FMN2: variants seen among roughly 807,000 people sequenced by gnomAD.
FMN2 encodes the protein formin 2.
In FMN2, 51 loss-of-function variants were observed where a neutral mutation model predicts 142.3. The ratio of observed to expected loss-of-function variants is 0.36; its 90% CI spans 0.29 to 0.45. FMN2 has a LOEUF of 0.45. Among genes scored for constraint, FMN2 ranks in the 20% least tolerant of loss-of-function variants. FMN2 has a pLI of 1.00. For synonymous variants in FMN2, 882 were observed against 869.8 expected (o/e 1.01, Z -0.25); for missense variants, 1,936 against 2,122.8 (o/e 0.91, Z 1.73).
intron 4 of FMN2, among the ~76,000 whole-genome samples, chr1:240,206,015 G>A (rs11581627): frequency 0.06 from 9,081 of 150,554 alleles, 313 homozygotes; most frequent in East Asian, 0.095. Flanking sequence ...CTGTCCTTCC[G>A]CCTCAGCCTC....
At chr1:240,336,615 A>T (rs955028695) in intron 13 of FMN2, among the ~76,000 whole-genome samples, 2 of 149,516 alleles carry the variant, frequency 1.3e-5, no homozygotes, top group African/African-American at 4.9e-5. Context: ...TTTATTACAG[A>T]GAACTTTTTT....
intron 7 of FMN2, among the ~76,000 whole-genome samples, chr1:240,264,343 C>T (rs1558400821): frequency 6.6e-6 from 1 of 152,120 alleles, no homozygotes; most frequent in Non-Finnish European, 1.5e-5. Context: ...CCGGTATTGG[C>T]ATACAGGATA....
chr1:240,116,240 G>T (rs370132202), intron 1 of FMN2, among the ~76,000 whole-genome samples: 1 of 152,184 alleles, frequency 6.6e-6, no homozygotes, highest in Non-Finnish European at 1.5e-5. Flanking sequence ...GAGGCTTCAC[G>T]TAGCTGCCCC....
intron 14 of FMN2, among the ~76,000 whole-genome samples, chr1:240,364,850 A>G (rs1672609192): frequency 6.6e-6 from 1 of 152,170 alleles, no homozygotes; most frequent in Non-Finnish European, 1.5e-5. Context: ...AATGACTGTC[A>G]ATTCAACACA....
Position 240,093,227 on chromosome 1 carries a change from A to C in FMN2, c.1118A>C (p.Asp373Ala). Residue 373 changes from aspartate (D) to alanine (A), a missense_variant, in exon 1 of 18, where the codon GAC (aspartate) becomes GCC (alanine). Physicochemically the swap from Asp to Ala is moderately radical, Grantham distance 126. Transcript: ENST00000319653. The stretch of plus-strand genomic sequence containing the variant: ...GAGTGGGCCCCGGAGGTGGGAGAGG[A>C]CGCCCCGCAGAGGCTGGGGGAAGAG... ...GEEWAPEVGE[D>A]APQRLGEEPE... The C allele has an allele frequency of 6.5e-7, 1 of 1,530,870 alleles. No individual in the cohort carries two copies. Among genetic ancestry groups the C allele is most frequent in the Non-Finnish European group, 8.8e-7 (1 of 1,140,716 alleles). The allele number at this position is 1,530,870 out of a possible 1,614,324, so 94.8% of individuals were successfully genotyped here. A position where few individuals can be genotyped will look rare whatever the true frequency, so the allele number is the denominator to read the frequency against.
intron 16 of FMN2, among the ~76,000 whole-genome samples, chr1:240,456,687 C>T (rs148313923): frequency 6.6e-6 from 1 of 152,240 alleles, no homozygotes; most frequent in Middle Eastern, 3.4e-3. Context: ...AACTCCCGAC[C>T]TCAGGTGATT....
Position 240,208,730 on chromosome 1 carries a change from A to C in FMN2, c.3918A>C (p.Lys1306Asn), listed in dbSNP as rs1199324035. Reference sequence around the variant, plus strand: ...GGACCAGGATTCAACTACATAGTAAAAGGTAACATGAAAGTGAGCTCGTCT... The same window carrying C: ...GGACCAGGATTCAACTACATAGTAACAGGTAACATGAAAGTGAGCTCGTCT... ...LYWTRIQLHS[K>N]RDSSTSLIWE... Residue 1306 changes from lysine to asparagine, a missense_variant and splice_region_variant, in exon 5 of 18, where the codon AAA (lysine) becomes AAC (asparagine). Physicochemically the swap from Lys to Asn is moderately conservative, Grantham distance 94. Transcript: ENST00000319653. 6.2e-7 allele frequency: 1 copy of C among 1,604,426 alleles called. No individual in the cohort carries two copies. The highest frequency in any genetic ancestry group is 8.5e-7 in the Non-Finnish European group (1 of 1,172,468).
At chr1:240,255,263 T>A (rs1668412652) in intron 6 of FMN2, among the ~76,000 whole-genome samples, 1 of 152,298 alleles carries the variant, frequency 6.6e-6, no homozygotes, top group Admixed American at 6.5e-5. Context: ...TCTTATGTGA[T>A]CTGTTTGACC....
At chr1:240,128,318 TA>T (rs1164871178) in intron 2 of FMN2, among the ~76,000 whole-genome samples, 2 of 152,234 alleles carry the variant, frequency 1.3e-5, no homozygotes, top group Non-Finnish European at 2.9e-5. Context: ...TTATCTTACA[TA>T]ATTGTTGATT....
chr1:240,247,424 C>T (rs1369119757), intron 6 of FMN2, among the ~76,000 whole-genome samples: 1 of 151,746 alleles, frequency 6.6e-6, no homozygotes, highest in African/African-American at 2.4e-5. Context: ...ATCGCTTGAA[C>T]CTGGGAGGCG....
intron 16 of FMN2, among the ~76,000 whole-genome samples, chr1:240,468,863 G>C (rs553754740): frequency 1.3e-5 from 2 of 152,234 alleles, no homozygotes; most frequent in African/African-American, 4.8e-5. Flanking sequence ...GGCTGTCTTC[G>C]TACCGACTTC....
At chr1:240,119,482 C>T (rs1662152704) in intron 1 of FMN2, among the ~76,000 whole-genome samples, 1 of 152,108 alleles carries the variant, frequency 6.6e-6, no homozygotes, top group Admixed American at 6.5e-5. Context: ...TGCCCCCTGC[C>T]CCAGGAGACA....
intron 15 of FMN2, among the ~76,000 whole-genome samples, chr1:240,435,295 A>G (rs1275948603): frequency 2.0e-5 from 3 of 152,078 alleles, no homozygotes; most frequent in East Asian, 3.9e-4. Context: ...GCCTAAATCT[A>G]TGTGCTTTAT....
chr1:240,143,396 C>T (rs375812105), intron 2 of FMN2: 2 of 1,430,144 alleles, frequency 1.4e-6, no homozygotes, highest in South Asian at 1.2e-5. Context: ...CCAATCTCCC[C>T]CACAGCAATA....
At chr1:240,431,138 T>G (rs898396013) in intron 15 of FMN2, among the ~76,000 whole-genome samples, 2 of 151,922 alleles carry the variant, frequency 1.3e-5, no homozygotes, top group African/African-American at 4.8e-5. Flanking sequence ...ATGTTTGTAG[T>G]TTTCACACTT....
intron 1 of FMN2, among the ~76,000 whole-genome samples, chr1:240,114,968 C>T (rs2103202388): frequency 6.6e-6 from 1 of 152,142 alleles, no homozygotes; most frequent in South Asian, 2.1e-4. Context: ...TTCTATCATT[C>T]CTTTTGCACA....
chr1:240,265,516 A>T (rs1160397150), intron 7 of FMN2, among the ~76,000 whole-genome samples: 1 of 152,142 alleles, frequency 6.6e-6, no homozygotes, highest in Non-Finnish European at 1.5e-5. Flanking sequence ...ACAAATGCTT[A>T]TTATTGTAAG....
chr1:240,168,076 T>C (rs956718977), intron 2 of FMN2, among the ~76,000 whole-genome samples: 2 of 152,162 alleles, frequency 1.3e-5, no homozygotes, highest in Non-Finnish European at 2.9e-5. Context: ...TTAGAAAATA[T>C]ACACAGTGGA....
chr1:240,446,087 A>G (rs1317703742), intron 16 of FMN2, among the ~76,000 whole-genome samples: 1 of 152,210 alleles, frequency 6.6e-6, no homozygotes, highest in Non-Finnish European at 1.5e-5. Context: ...AATGCTGTAG[A>G]AAAAGAGCTG....
Sources: gnomAD v4.1 joint callset for allele counts (sites outside exome capture counted in the v4.1 genomes callset) on GRCh38, gnomAD v4.1.1 for gene constraint, MANE v1.5 for transcripts, NCBI Gene and HGNC (gene_info 2026-07-23, HGNC 2026-07-21) for gene names.